GPC5: variants seen among roughly 807,000 people sequenced by gnomAD.
GPC5 encodes the protein glypican-5.
In GPC5, 47 loss-of-function variants were observed where a neutral mutation model predicts 53.9. The observed-to-expected ratio is 0.87, with a 90% confidence interval of 0.69 to 1.11. GPC5 has a LOEUF of 1.11. Among genes scored for constraint, GPC5 ranks in the 50% most tolerant of loss-of-function variants. GPC5 has a pLI of 0.00. For synonymous variants in GPC5, 286 were observed against 263.3 expected, an observed-to-expected ratio of 1.09 and a Z score of -0.84; for missense variants, 748 against 713.1, an observed-to-expected ratio of 1.05 and a Z score of -0.56.
chr13:91,760,481 GAT>G (rs2037386770), intron 5 of GPC5, among the ~76,000 whole-genome samples: 1 of 152,152 alleles, frequency 6.6e-6, no homozygotes, highest in Non-Finnish European at 1.5e-5. Flanking sequence ...TACATTTGGG[GAT>G]GATAGAGTGT....
rs146520711 is a variant in GPC5 at position 91,464,345 on chromosome 13, T to C, written c.325+15423T>C. On this transcript the variant is annotated intron_variant, in intron 2 of 7. Coordinates refer to ENST00000377067, the MANE Select transcript of GPC5 (RefSeq NM_004466.6). The stretch of plus-strand genomic sequence containing the variant: ...TCTATTAAAATTAAACCTGCACTTA[T>C]TGTATTGTCCAATAAATGCACGCTT... Among the ~76,000 whole-genome samples, 826 of 152,246 alleles carry C rather than the reference T, an allele frequency of 5.4e-3. 9 individuals are homozygous for C. Among genetic ancestry groups the C allele is most frequent in the African/African-American group, 0.019 (779 of 41,556 alleles).
chr13:91,892,125 A>G (rs1490151035), intron 5 of GPC5, among the ~76,000 whole-genome samples: 2 of 152,056 alleles, frequency 1.3e-5, no homozygotes, highest in Non-Finnish European at 2.9e-5. Context: ...GCTATAAACA[A>G]GAGTTAACAC....
intron 6 of GPC5, among the ~76,000 whole-genome samples, chr13:91,990,662 G>A (rs189525728): frequency 6.6e-6 from 1 of 152,180 alleles, no homozygotes; most frequent in South Asian, 2.1e-4. Flanking sequence ...AAGTGCCGAT[G>A]AGTTGGTGCT....
chr13:92,277,574 G>A (rs549393044), intron 7 of GPC5, among the ~76,000 whole-genome samples: 3 of 151,996 alleles, frequency 2.0e-5, no homozygotes, highest in Admixed American at 1.3e-4. Context: ...CTCCTCTGCT[G>A]CTAATAAAAA....
At chr13:91,804,913 A>C (rs1239217419) in intron 5 of GPC5, among the ~76,000 whole-genome samples, 1 of 152,222 alleles carries the variant, frequency 6.6e-6, no homozygotes, top group Admixed American at 6.5e-5. Flanking sequence ...GGTTGACATG[A>C]GGGCCATCTG....
In GPC5 at chr13:91,902,188, A is replaced by G. The variant is rs112559649; in HGVS notation, c.1281-5749A>G. Among the ~76,000 whole-genome samples, 343 of 152,130 alleles carry G rather than the reference A, an allele frequency of 2.3e-3. 2 individuals carry two copies. The highest frequency in any genetic ancestry group is 7.9e-3 in the African/African-American group (326 of 41,526). ...TTGGTGTGAATCTGAGCCAAATTCTATTGTATTCTAAATAAAGTGAAATTA... is the reference window on the plus strand; with the variant it reads ...TTGGTGTGAATCTGAGCCAAATTCTGTTGTATTCTAAATAAAGTGAAATTA... On this transcript the variant is annotated intron_variant, in intron 5 of 7. Coordinates refer to ENST00000377067, the MANE Select transcript of GPC5 (RefSeq NM_004466.6).
At chr13:92,748,856 C>T (rs1474849893) in intron 7 of GPC5, among the ~76,000 whole-genome samples, 3 of 151,908 alleles carry the variant, frequency 2.0e-5, no homozygotes, top group Admixed American at 2.0e-4. Flanking sequence ...TAATTATTTG[C>T]TGAATGCTTT....
chr13:92,355,054 A>G (rs1230851230), intron 7 of GPC5, among the ~76,000 whole-genome samples: 2 of 150,984 alleles, frequency 1.3e-5, no homozygotes, highest in African/African-American at 2.4e-5. Context: ...AGATTAGCAT[A>G]ATATTTAATT....
chr13:92,796,559 G>A (rs1876692443), intron 7 of GPC5, among the ~76,000 whole-genome samples: 1 of 151,874 alleles, frequency 6.6e-6, no homozygotes, highest in Non-Finnish European at 1.5e-5. Context: ...AGGAATTCCA[G>A]AAAGATAAGA....
At chr13:92,058,900 C>A (rs1014130214) in intron 6 of GPC5, among the ~76,000 whole-genome samples, 1 of 152,150 alleles carries the variant, frequency 6.6e-6, no homozygotes, top group African/African-American at 2.4e-5. Context: ...ATGTTAAGGT[C>A]TTTCATCCCA....
At chr13:92,410,479 A>T (rs773396573) in intron 7 of GPC5, among the ~76,000 whole-genome samples, 1 of 152,192 alleles carries the variant, frequency 6.6e-6, no homozygotes, top group Non-Finnish European at 1.5e-5. Context: ...CCAGAAAGGG[A>T]ACTAGATGTT....
At chr13:92,147,457 T>A (rs2041876397) in intron 7 of GPC5, among the ~76,000 whole-genome samples, 1 of 152,054 alleles carries the variant, frequency 6.6e-6, no homozygotes, top group Non-Finnish European at 1.5e-5. Flanking sequence ...ATGAAGTTAT[T>A]TACAAGTTCA....
intron 2 of GPC5, among the ~76,000 whole-genome samples, chr13:91,632,225 A>G (rs2034175176): frequency 6.6e-6 from 1 of 152,288 alleles, no homozygotes; most frequent in South Asian, 2.1e-4. Context: ...TAAAATGATC[A>G]TAGAATCGTT....
At chr13:92,193,261 T>C (rs1199385321) in intron 7 of GPC5, among the ~76,000 whole-genome samples, 2 of 152,150 alleles carry the variant, frequency 1.3e-5, no homozygotes, top group Non-Finnish European at 2.9e-5. Context: ...CCTACAAAAT[T>C]TTACATTGAA....
At chr13:92,613,653 ATAT>A (rs1279560356) in intron 7 of GPC5, among the ~76,000 whole-genome samples, 1 of 132,746 alleles carries the variant, frequency 7.5e-6, no homozygotes, top group Non-Finnish European at 1.6e-5. Context: ...TAAATATATA[ATAT>A]TTATATATTT....
intron 6 of GPC5, among the ~76,000 whole-genome samples, chr13:92,140,000 A>G (rs1046384583): frequency 3.3e-5 from 5 of 152,238 alleles, no homozygotes; most frequent in Admixed American, 3.3e-4. Context: ...ATTACTAATC[A>G]GAAAGATATG....
chr13:91,603,883 T>G (rs1040290423), intron 2 of GPC5, among the ~76,000 whole-genome samples: 1 of 152,074 alleles, frequency 6.6e-6, no homozygotes, highest in African/African-American at 2.4e-5. Context: ...TTTCCTTCTC[T>G]CTAATCCATT....
chr13:92,213,061 C>A (rs1447489926), intron 7 of GPC5, among the ~76,000 whole-genome samples: 6 of 152,150 alleles, frequency 3.9e-5, no homozygotes, highest in Non-Finnish European at 8.8e-5. Context: ...ATACAAACTG[C>A]AATTCTGCTC....
chr13:91,835,271 C>T (rs2038710517), intron 5 of GPC5, among the ~76,000 whole-genome samples: 1 of 152,150 alleles, frequency 6.6e-6, no homozygotes, highest in Non-Finnish European at 1.5e-5. Context: ...AATAGGAACA[C>T]TTTTACACTG....
Sources: gnomAD v4.1 joint callset for allele counts (sites outside exome capture counted in the v4.1 genomes callset) on GRCh38, gnomAD v4.1.1 for gene constraint, MANE v1.5 for transcripts, NCBI Gene and HGNC (gene_info 2026-07-23, HGNC 2026-07-21) for gene names.